NCAPH: variants seen among roughly 807,000 people sequenced by gnomAD.
NCAPH encodes the protein non-SMC condensin I complex subunit H, also known as condensin complex subunit 2.
NCAPH carries 38 observed loss-of-function variants against 85.5 expected under a neutral mutation model. The observed-to-expected ratio is 0.44, with a 90% CI of 0.34 to 0.58. NCAPH has a LOEUF of 0.58. Among genes scored for constraint, NCAPH ranks in the 20% least tolerant of loss-of-function variants. The pLI, the probability that NCAPH is intolerant of heterozygous loss-of-function variation, is 0.01. For synonymous variants in NCAPH, 301 were observed against 335.1 expected (o/e 0.90, Z 1.11); for missense variants, 789 against 916.6 (o/e 0.86, Z 1.80).
Position 96,369,076 on chromosome 2 carries a change from A to C in NCAPH, c.2090+13A>C. The C allele has an allele frequency of 1.9e-6, 3 of 1,552,686 alleles. 1 individual carries two copies. Among genetic ancestry groups the C allele is most frequent in the Non-Finnish European group, 1.7e-6 (2 of 1,147,498 alleles). ...ACCTGCAGAGGAGGTGCGGGCTGGC[A>C]GGCATGGGGGCTTTGTTGGGGCTCA... On this transcript the variant is annotated intron_variant, in intron 16 of 17. Transcript: ENST00000240423.
chr2:96,373,682 G>A lies in NCAPH; in HGVS notation c.*331G>A, dbSNP rs1263741011. Reference sequence around the variant, plus strand: ...TAGTTTTAGTCTCCTAAATTGATCTGTTATTTTCCAAACTATTCTCTTGTA... The same window carrying A: ...TAGTTTTAGTCTCCTAAATTGATCTATTATTTTCCAAACTATTCTCTTGTA... On this transcript the variant is annotated 3_prime_UTR_variant, in exon 18 of 18. Coordinates refer to ENST00000240423, the MANE Select transcript of NCAPH (RefSeq NM_015341.5). 1.0e-5 allele frequency: 2 copies of A among 191,948 alleles called. No individual in the cohort carries two copies. The highest frequency in any genetic ancestry group is 2.1e-5 in the Non-Finnish European group (2 of 93,974). The allele number at this position is 191,948 out of a possible 1,614,324, so 11.9% of individuals were successfully genotyped here.
At chr2:96,347,466 C>T (rs2064377259) in intron 6 of NCAPH, among the ~76,000 whole-genome samples, 1 of 152,086 alleles carries the variant, frequency 6.6e-6, no homozygotes, top group South Asian at 2.1e-4. Context: ...GTTTTCACCC[C>T]TTGAGAGTGA....
chr2:96,342,713 T>C lies in NCAPH; in HGVS notation c.364-43T>C, dbSNP rs1477583386. The C allele has an allele frequency of 2.7e-6, 4 of 1,465,006 alleles. 1 individual carries two copies. Among genetic ancestry groups the C allele is most frequent in the Non-Finnish European group, 3.8e-6 (4 of 1,047,862 alleles). 90.8% of individuals were successfully genotyped at this position (1,465,006 alleles called of 1,614,324 possible). On this transcript the variant is annotated intron_variant, in intron 3 of 17. Transcript: ENST00000240423. ...AAAAGCAGCATTATTTACATGAGCC[T>C]AGGCTATAAATAACAATCCTTTCTG...
chr2:96,363,869 T>G (rs1386296627), intron 12 of NCAPH, among the ~76,000 whole-genome samples: 2 of 151,902 alleles, frequency 1.3e-5, no homozygotes, highest in Non-Finnish European at 2.9e-5. Flanking sequence ...TGGAGTGCAG[T>G]GGTATGAGTA....
chr2:96,350,788 C>T (rs1449471223), intron 6 of NCAPH, among the ~76,000 whole-genome samples: 1 of 152,200 alleles, frequency 6.6e-6, no homozygotes, highest in Admixed American at 6.5e-5. Context: ...GTTGTCCTAT[C>T]CAAGCCCCTC....
At chr2:96,352,224 C>T (rs989778456) in intron 7 of NCAPH, among the ~76,000 whole-genome samples, 2 of 152,160 alleles carry the variant, frequency 1.3e-5, no homozygotes, top group African/African-American at 2.4e-5. Context: ...GAGTCTAAAA[C>T]GGTAAACCAT....
At chr2:96,367,411 G>A (rs1275210129) in intron 15 of NCAPH, 38 bp downstream of exon 15, 1 of 1,486,150 alleles carries the variant, frequency 6.7e-7, no homozygotes, top group East Asian at 2.3e-5. Context: ...TGCCCAGCAT[G>A]CGGGAGGGGA....
In NCAPH at chr2:96,367,276, A is replaced by G. The variant is rs1294665074; in HGVS notation, c.1901A>G (p.His634Arg). ...EPQKVNKIEIHYAKTAKKMDM... is the reference protein window; with the variant it reads ...EPQKVNKIEIRYAKTAKKMDM... ...TTTCAGGTAAATAAAATTGAAATTC[A>G]CTATGCCAAGACTGCCAAAAAGATG... Residue 634 changes from histidine (H) to arginine (R), a missense_variant, in exon 15 of 18, where the codon CAC (histidine) becomes CGC (arginine). Physicochemically the swap from His to Arg is conservative, Grantham distance 29. Transcript: ENST00000240423. The G allele has an allele frequency of 3.1e-6, 5 of 1,612,344 alleles. No homozygotes were observed. The highest frequency in any genetic ancestry group is 3.3e-5 in the Admixed American group (2 of 59,968).
chr2:96,343,712 T>A (rs2064326590), intron 5 of NCAPH, among the ~76,000 whole-genome samples: 1 of 151,906 alleles, frequency 6.6e-6, no homozygotes, highest in Non-Finnish European at 1.5e-5. Flanking sequence ...TTTGTTTTTT[T>A]TTTTTTTGAA....
In NCAPH at chr2:96,374,575, C is replaced by T. The variant is rs541398934; in HGVS notation, c.*1224C>T. 6.6e-6 allele frequency among the ~76,000 whole-genome samples: 1 copy of T among 152,298 alleles called. No individual in the cohort carries two copies. The highest frequency in any genetic ancestry group is 2.4e-5 in the African/African-American group (1 of 41,556). On this transcript the variant is annotated 3_prime_UTR_variant, in exon 18 of 18. Coordinates refer to ENST00000240423, the MANE Select transcript of NCAPH (RefSeq NM_015341.5). ...AATTGGAAATTGCTCCTGATAATAA[C>T]TTCCTTCTTAGCCAAAAACCACACA... is the stretch of plus-strand genomic sequence containing the variant.
intron 6 of NCAPH, among the ~76,000 whole-genome samples, chr2:96,350,242 T>G (rs771878172): frequency 6.6e-6 from 1 of 152,248 alleles, no homozygotes; most frequent in African/African-American, 2.4e-5. Context: ...ATTGAATTGC[T>G]TGGGGATATA....
At chr2:96,341,211 A>T (rs1389696453) in intron 1 of NCAPH, among the ~76,000 whole-genome samples, 1 of 152,138 alleles carries the variant, frequency 6.6e-6, no homozygotes, top group African/African-American at 2.4e-5. Context: ...GTTTGCCAAG[A>T]TATGGAGGAG....
chr2:96,367,262 T>A lies in NCAPH; in HGVS notation c.1887T>A (p.Asn629Lys). 1 of 1,607,604 alleles carries A rather than the reference T, an allele frequency of 6.2e-7. No individual in the cohort carries two copies. The change falls in exon 15 of 18, where the codon AAT becomes AAA. Residue 629 changes from asparagine (N) to lysine (K), a missense_variant. Coordinates refer to ENST00000240423, the MANE Select transcript of NCAPH (RefSeq NM_015341.5). ...SNLVAEPQKV[N>K]KIEIHYAKTA... is the part of the protein sequence containing the mutation. ...TTGTCATATACCTATTTCAGGTAAATAAAATTGAAATTCACTATGCCAAGA... is the reference window on the plus strand; with the variant it reads ...TTGTCATATACCTATTTCAGGTAAAAAAAATTGAAATTCACTATGCCAAGA...
intron 1 of NCAPH, among the ~76,000 whole-genome samples, chr2:96,339,967 G>T (rs956312795): frequency 6.6e-6 from 1 of 151,866 alleles, no homozygotes; most frequent in Non-Finnish European, 1.5e-5. Flanking sequence ...CTGTTGCCCC[G>T]GCTAGAGTGT....
chr2:96,359,293 G>GT (rs2064572287), intron 10 of NCAPH, 100 bp downstream of exon 10: 10 of 1,446,322 alleles, frequency 6.9e-6, no homozygotes, highest in Non-Finnish European at 9.5e-6. Context: ...CAGCCCTGTT[G>GT]TGTCTCTTAA....
At chr2:96,359,023 T>G (rs766039683) in intron 9 of NCAPH, 22 bp from the exon 10 acceptor site, 32 of 1,612,146 alleles carry the variant, frequency 2.0e-5, no homozygotes, top group African/African-American at 2.7e-5. Flanking sequence ...GTATTGTACA[T>G]GTACAAATAT....
intron 6 of NCAPH, among the ~76,000 whole-genome samples, chr2:96,351,572 GC>G (rs2064441889): frequency 6.6e-6 from 1 of 150,980 alleles, no homozygotes; most frequent in African/African-American, 2.4e-5. Context: ...GGAGGCTGAG[GC>G]CCAAGAATCG....
chr2:96,360,707 C>G lies in NCAPH; in HGVS notation c.1584C>G (p.Thr528=). ...TCCAGCTTCACCTCAAACCAGGCAC[C>G]AGGGTAAGCCTATTTCTTGGTTCCT... ...TLVQLHLKPG[T]RLLKMAQGHR... The change falls in exon 12 of 18, where the codon ACC becomes ACG. Residue 528 remains threonine (T), a synonymous_variant. Coordinates refer to ENST00000240423, the MANE Select transcript of NCAPH (RefSeq NM_015341.5). 1 of 1,614,078 alleles carries G rather than the reference C, an allele frequency of 6.2e-7. No individual in the cohort carries two copies. Among genetic ancestry groups the G allele is most frequent in the Non-Finnish European group, 8.5e-7 (1 of 1,180,000 alleles).
At chr2:96,337,935 T>C (rs1296340522) in intron 1 of NCAPH, among the ~76,000 whole-genome samples, 1 of 151,656 alleles carries the variant, frequency 6.6e-6, no homozygotes, top group African/African-American at 2.4e-5. Context: ...ACAACCCTTT[T>C]TTTTTTTCTG....
Sources: gnomAD v4.1 joint callset for allele counts (sites outside exome capture counted in the v4.1 genomes callset) on GRCh38, gnomAD v4.1.1 for gene constraint, MANE v1.5 for transcripts, NCBI Gene and HGNC (gene_info 2026-07-23, HGNC 2026-07-21) for gene names.